The following CRADD variants were observed in gnomAD, a reference collection of about 807,000 sequenced individuals.
CRADD encodes the protein CARD and death domain containing adaptor protein, also known as death domain-containing protein CRADD.
In CRADD, 9 loss-of-function variants were observed where a neutral mutation model predicts 15.5. The ratio of observed to expected loss-of-function variants is 0.58; its 90% CI spans 0.35 to 1.01. CRADD has a LOEUF of 1.01. Ranked by LOEUF, CRADD falls within the 50% of genes least tolerant of loss-of-function variation. CRADD has a pLI of 0.02. For missense variants in CRADD, 227 were observed against 250.3 expected, an observed-to-expected ratio of 0.91 and a Z score of 0.63; for synonymous variants, 118 against 107.6, an observed-to-expected ratio of 1.10 and a Z score of -0.60.
Position 93,817,509 on chromosome 12 carries a change from G to A in CRADD, c.299-32461G>A, listed in dbSNP as rs549279224. 2.6e-5 allele frequency among the ~76,000 whole-genome samples: 4 copies of A among 152,236 alleles called. No individual in the cohort carries two copies. In the South Asian group the frequency reaches 6.2e-4, roughly 24 times the overall value. ...CTCCTCCAAGGTCACAGTGGCTGTC[G>A]CCATTTCATTCTTTATGGTTGGCGG... On this transcript the variant is annotated intron_variant, in intron 2 of 2. Transcript: ENST00000332896.
At chr12:93,705,444 C>G (rs985158923) in intron 2 of CRADD, among the ~76,000 whole-genome samples, 2 of 152,180 alleles carry the variant, frequency 1.3e-5, no homozygotes, top group East Asian at 1.9e-4. Flanking sequence ...TAGGGACAGT[C>G]TCCTGTCTGC....
chr12:93,716,433 C>T (rs968314247), intron 2 of CRADD, among the ~76,000 whole-genome samples: 1 of 152,126 alleles, frequency 6.6e-6, no homozygotes, highest in Non-Finnish European at 1.5e-5. Context: ...TATTGTACAT[C>T]CTATGGGTTG....
chr12:93,685,327 T>G (rs1026913650), intron 2 of CRADD, among the ~76,000 whole-genome samples: 1 of 152,136 alleles, frequency 6.6e-6, no homozygotes, highest in African/African-American at 2.4e-5. Context: ...GGATACAAAA[T>G]TACAGCTAGA....
At chr12:93,807,205 G>C (rs1282134291) in intron 2 of CRADD, among the ~76,000 whole-genome samples, 1 of 152,128 alleles carries the variant, frequency 6.6e-6, no homozygotes, top group Non-Finnish European at 1.5e-5. Context: ...ACTCATTTTT[G>C]TGAAACTGTC....
chr12:93,828,206 C>T (rs1190956986), intron 2 of CRADD, among the ~76,000 whole-genome samples: 1 of 152,118 alleles, frequency 6.6e-6, no homozygotes, highest in Non-Finnish European at 1.5e-5. Context: ...TATATGTATA[C>T]AAGTCCTTTA....
intron 2 of CRADD, among the ~76,000 whole-genome samples, chr12:93,696,658 G>A (rs1381039074): frequency 6.6e-6 from 1 of 151,826 alleles, no homozygotes; most frequent in African/African-American, 2.4e-5. Context: ...GAGATCTATT[G>A]TGCAACATGA....
intron 2 of CRADD, among the ~76,000 whole-genome samples, chr12:93,693,716 T>C (rs1955630027): frequency 6.6e-6 from 1 of 151,982 alleles, no homozygotes; most frequent in Non-Finnish European, 1.5e-5. Flanking sequence ...AAAGAAACAG[T>C]GGATTTAGAC....
At chr12:93,714,171 C>G (rs1956123105) in intron 2 of CRADD, among the ~76,000 whole-genome samples, 1 of 152,136 alleles carries the variant, frequency 6.6e-6, no homozygotes, top group South Asian at 2.1e-4. Context: ...TAATGAATTC[C>G]TTGTCACTAT....
At chr12:93,717,941 C>A (rs1333323269) in intron 2 of CRADD, among the ~76,000 whole-genome samples, 1 of 152,168 alleles carries the variant, frequency 6.6e-6, no homozygotes, top group Admixed American at 6.5e-5. Context: ...ACTGTCTTTG[C>A]CCCATTGTAT....
Position 93,704,858 on chromosome 12 carries a change from C to T in CRADD, c.298+25786C>T, listed in dbSNP as rs567583888. The stretch of plus-strand genomic sequence containing the variant: ...GGCCAAGTCAGTGCCCACCTCGAGG[C>T]CTTTGTTCCAGCCTAGCCGTTCTCT... On this transcript the variant is annotated intron_variant, in intron 2 of 2. Transcript: ENST00000332896. 2.0e-5 allele frequency among the ~76,000 whole-genome samples: 3 copies of T among 152,292 alleles called. No homozygotes were observed. The South Asian group carries it at 6.2e-4, about 32-fold the overall frequency.
intron 2 of CRADD, among the ~76,000 whole-genome samples, chr12:93,772,148 A>C (rs1335693445): frequency 6.6e-6 from 1 of 152,190 alleles, no homozygotes; most frequent in East Asian, 1.9e-4. Context: ...GTTTGAAAAA[A>C]TCAAGTTGAC....
intron 2 of CRADD, among the ~76,000 whole-genome samples, chr12:93,886,628 A>G (rs1270858464): frequency 6.6e-6 from 1 of 152,192 alleles, no homozygotes; most frequent in Non-Finnish European, 1.5e-5. Flanking sequence ...TCAGTCTTCT[A>G]TGTGGGATTA....
intron 2 of CRADD, among the ~76,000 whole-genome samples, chr12:93,768,746 A>G (rs959362923): frequency 6.6e-6 from 1 of 152,248 alleles, no homozygotes; most frequent in Non-Finnish European, 1.5e-5. Context: ...AACTCAGTTT[A>G]TGATCACAAA....
At chr12:93,882,979 G>A (rs576508801) in intron 2 of CRADD, among the ~76,000 whole-genome samples, 17 of 152,252 alleles carry the variant, frequency 1.1e-4, no homozygotes, top group Middle Eastern at 3.4e-3. Flanking sequence ...AGGGGATTGC[G>A]TAATTGAGTA....
At chr12:93,756,330 G>A (rs371163385) in intron 2 of CRADD, among the ~76,000 whole-genome samples, 36 of 152,138 alleles carry the variant, frequency 2.4e-4, no homozygotes, top group African/African-American at 8.4e-4. Flanking sequence ...TAAGTTCAGC[G>A]ATATTAAGAT....
At chr12:93,724,005 G>T in intron 2 of CRADD, among the ~76,000 whole-genome samples, 1 of 152,142 alleles carries the variant, frequency 6.6e-6, no homozygotes, top group Non-Finnish European at 1.5e-5. Context: ...TTGTTAGGAA[G>T]ACCCCAGTGC....
At chr12:93,684,288 A>G (rs996764059) in intron 2 of CRADD, among the ~76,000 whole-genome samples, 1 of 152,138 alleles carries the variant, frequency 6.6e-6, no homozygotes. Context: ...GGGGGGAATG[A>G]TGGTTTCGGG....
At chr12:93,745,734 T>C (rs775906816) in intron 2 of CRADD, among the ~76,000 whole-genome samples, 1 of 152,220 alleles carries the variant, frequency 6.6e-6, no homozygotes, top group Non-Finnish European at 1.5e-5. Flanking sequence ...TGAATGATGG[T>C]CGTGGGCATT....
intron 2 of CRADD, among the ~76,000 whole-genome samples, chr12:93,773,813 G>GTTTTTTTTTTTTTTTTT (rs3030268): frequency 1.1e-5 from 1 of 87,550 alleles, no homozygotes; most frequent in African/African-American, 4.7e-5. Flanking sequence ...TACTTTGTGA[G>GTTTTTTTTTTTTTTTTT]TTTTTTTTTT....
Sources: allele counts gnomAD v4.1 joint callset (sites outside exome capture counted in the v4.1 genomes callset), GRCh38; gene constraint gnomAD v4.1.1; transcripts MANE v1.5; gene names NCBI Gene and HGNC (gene_info 2026-07-23, HGNC 2026-07-21).